The following RABGEF1 variants were observed in gnomAD, a reference collection of about 807,000 sequenced individuals.
The protein encoded by RABGEF1 is rab5 GDP/GTP exchange factor.
In RABGEF1, 26 loss-of-function variants were observed where a neutral mutation model predicts 57.3. The ratio of observed to expected loss-of-function variants is 0.45; its 90% CI spans 0.33 to 0.63. RABGEF1 has a LOEUF of 0.63. Ranked by LOEUF, RABGEF1 falls within the 20% of genes least tolerant of loss-of-function variation. The pLI, the probability that RABGEF1 is intolerant of heterozygous loss-of-function variation, is 0.02. For missense variants in RABGEF1, 464 were observed against 607.6 expected (o/e 0.76, Z 2.48); for synonymous variants, 185 against 210.7 (o/e 0.88, Z 1.06).
At chr7:66,766,304 CAA>C (rs80149477) in intron 1 of RABGEF1, among the ~76,000 whole-genome samples, 22 of 98,482 alleles carry the variant, frequency 2.2e-4, no homozygotes, top group East Asian at 1.1e-3. Flanking sequence ...CCCTGTCTTC[CAA>C]AAAAAAAAAA....
At chr7:66,689,150 A>G (rs962930840) in intron 1 of RABGEF1, among the ~76,000 whole-genome samples, 1 of 152,114 alleles carries the variant, frequency 6.6e-6, no homozygotes, top group Admixed American at 6.6e-5. Flanking sequence ...ACCTAACTAT[A>G]CACTTTAAAG....
At chr7:66,700,320 CT>C (rs1793044469) in intron 1 of RABGEF1, among the ~76,000 whole-genome samples, 1 of 152,238 alleles carries the variant, frequency 6.6e-6, no homozygotes, top group African/African-American at 2.4e-5. Context: ...CTGAGCTCCT[CT>C]TTCGCCTTGA....
At chr7:66,720,266 C>T (rs1202756696) in intron 2 of RABGEF1, among the ~76,000 whole-genome samples, 8 of 148,628 alleles carry the variant, frequency 5.4e-5, no homozygotes, top group Non-Finnish European at 8.9e-5. Context: ...GGCGCGATCT[C>T]GGCTCACTGT....
upstream of RABGEF1, among the ~76,000 whole-genome samples, chr7:66,736,085 A>C (rs946772924): frequency 5.3e-5 from 8 of 152,184 alleles, no homozygotes; most frequent in African/African-American, 1.4e-4. Context: ...AGGAAATGAA[A>C]GGGATGATGA....
the RABGEF1 span, among the ~76,000 whole-genome samples, chr7:66,673,091 T>C: frequency 0.036 from 5,072 of 139,458 alleles, 122 homozygotes; most frequent in East Asian, 0.077. Flanking sequence ...GTGCCCATGC[T>C]CAGGTGGCCA....
chr7:66,797,534 A>T (rs1194334154), intron 6 of RABGEF1, 28 bp downstream of exon 6: 1 of 1,598,338 alleles, frequency 6.3e-7, no homozygotes, highest in Admixed American at 1.8e-5. Flanking sequence ...TTTGCTTTGT[A>T]GTTACTACCT....
intron 1 of RABGEF1, among the ~76,000 whole-genome samples, chr7:66,771,287 C>T (rs1279168448): frequency 7.2e-5 from 11 of 152,068 alleles, no homozygotes; most frequent in East Asian, 1.9e-4. Flanking sequence ...TACAGGCGCC[C>T]GCCACCACGC....
At chr7:66,797,335 T>A (rs535225573) in intron 5 of RABGEF1, 39 bp from the exon 6 acceptor site, 518 of 1,431,740 alleles carry the variant, frequency 3.6e-4, no homozygotes, top group East Asian at 1.0e-3. Flanking sequence ...AGAGAAAAAA[T>A]ATATATATCT....
chr7:66,661,876 G>C, the RABGEF1 span, among the ~76,000 whole-genome samples: 1 of 152,180 alleles, frequency 6.6e-6, no homozygotes, highest in African/African-American at 2.4e-5. Flanking sequence ...AGAAAACACT[G>C]CCAAACTGAC....
intron 1 of RABGEF1, chr7:66,755,865 C>T (rs1056166479): frequency 4.0e-5 from 20 of 495,844 alleles, no homozygotes; most frequent in African/African-American, 7.9e-5. Context: ...CATTGTATTC[C>T]AGGGAGTTGA....
chr7:66,780,676 C>A (rs1351639263), intron 3 of RABGEF1, among the ~76,000 whole-genome samples: 1 of 152,040 alleles, frequency 6.6e-6, no homozygotes, highest in Non-Finnish European at 1.5e-5. Context: ...TTTGTTTCTC[C>A]TTTCAGTTCT....
upstream of RABGEF1, among the ~76,000 whole-genome samples, chr7:66,680,952 G>A (rs1166615556): frequency 5.3e-5 from 8 of 152,058 alleles, no homozygotes; most frequent in Non-Finnish European, 1.5e-5. Context: ...GCATGGTGGC[G>A]GGCGCCTATA....
At position 66,720,910 on chromosome 7, in the gene RABGEF1, C is replaced by CATT. The variant is rs112468237; in HGVS notation, c.-815+8699_-815+8701dup. 6.0e-4 allele frequency among the ~76,000 whole-genome samples: 91 copies of CATT among 151,992 alleles called. 1 individual carries two copies. Among genetic ancestry groups the CATT allele is most frequent in the African/African-American group, 2.0e-3 (84 of 41,460 alleles). On this transcript the variant is annotated intron_variant and NMD_transcript_variant, in intron 2 of 9. Coordinates refer to the RABGEF1 transcript ENST00000607882. ...GGAACTGAAATTTTAAAAACAAAGC[C>CATT]ATTATTATTATTATTGTTGTTATTT... is the stretch of plus-strand genomic sequence containing the variant.
chr7:66,737,634 T>C (rs1354562607), upstream of RABGEF1, among the ~76,000 whole-genome samples: 1 of 152,192 alleles, frequency 6.6e-6, no homozygotes, highest in Non-Finnish European at 1.5e-5. Flanking sequence ...GGAAAGTCTT[T>C]TTTAAAAAAC....
chr7:66,711,348 G>A (rs994858810), intron 1 of RABGEF1, among the ~76,000 whole-genome samples: 22 of 150,082 alleles, frequency 1.5e-4, no homozygotes, highest in Non-Finnish European at 3.1e-4. Context: ...TATTTTTTTC[G>A]ATGTTTTCTT....
chr7:66,680,371 A>T (rs111262496), upstream of RABGEF1, among the ~76,000 whole-genome samples: 2 of 151,618 alleles, frequency 1.3e-5, no homozygotes, highest in African/African-American at 2.4e-5. Flanking sequence ...CAACCTCCCA[A>T]GTAGCTGGGA....
Position 66,687,978 on chromosome 7 carries a change from G to A in RABGEF1, c.-873+5720G>A, listed in dbSNP as rs191500677. 1.5e-3 allele frequency among the ~76,000 whole-genome samples: 230 copies of A among 151,662 alleles called. 1 individual carries two copies. Among genetic ancestry groups the A allele is most frequent in the African/African-American group, 5.3e-3 (220 of 41,338 alleles). On this transcript the variant is annotated intron_variant and NMD_transcript_variant, in intron 1 of 9. Coordinates refer to the RABGEF1 transcript ENST00000607882. ...TGCATGCCTGTAATCCCAGCTACAC[G>A]GTAGGCTGAGGCAGGAGAATCGCTT...
chr7:66,670,654 A>C, the RABGEF1 span, among the ~76,000 whole-genome samples: 4 of 151,906 alleles, frequency 2.6e-5, no homozygotes, highest in African/African-American at 9.7e-5. Flanking sequence ...AGACCAGCTC[A>C]CTACAGCATG....
intron 1 of RABGEF1, among the ~76,000 whole-genome samples, chr7:66,754,371 C>CTTT (rs113278671): frequency 7.0e-6 from 1 of 142,890 alleles, no homozygotes; most frequent in East Asian, 2.0e-4. Flanking sequence ...TTTCTTTCAG[C>CTTT]TTTTTTTTTT....
Sources: gnomAD v4.1 joint callset for allele counts (sites outside exome capture counted in the v4.1 genomes callset) on GRCh38, gnomAD v4.1.1 for gene constraint, MANE v1.5 for transcripts, NCBI Gene and HGNC (gene_info 2026-07-23, HGNC 2026-07-21) for gene names.